ADCY3: variants seen among roughly 807,000 people sequenced by gnomAD.
ADCY3 encodes the protein adenylate cyclase type 3.
In ADCY3, 70 loss-of-function variants were observed where a neutral mutation model predicts 119.4. The observed-to-expected ratio is 0.59, with a 90% CI of 0.48 to 0.72. The LOEUF is 0.72. Ranked by LOEUF, ADCY3 falls within the 30% of genes least tolerant of loss-of-function variation. ADCY3 has a pLI of 0.00. For synonymous variants in ADCY3, 672 were observed against 621.4 expected (o/e 1.08, Z -1.21); for missense variants, 1,238 against 1,541.6 (o/e 0.80, Z 3.30).
intron 3 of ADCY3, among the ~76,000 whole-genome samples, chr2:24,849,499 A>G (rs928845811): frequency 6.6e-6 from 1 of 152,130 alleles, no homozygotes. Context: ...TCCCTTATAT[A>G]TTTCCATAAC....
intron 3 of ADCY3, among the ~76,000 whole-genome samples, chr2:24,866,114 C>G (rs549551299): frequency 2.0e-5 from 3 of 152,290 alleles, no homozygotes; most frequent in African/African-American, 7.2e-5. Context: ...GACTAAGAGG[C>G]TAAGCTTTCA....
intron 8 of ADCY3, among the ~76,000 whole-genome samples, chr2:24,837,895 A>G (rs559126607): frequency 7.2e-5 from 11 of 152,254 alleles, no homozygotes; most frequent in African/African-American, 4.8e-5. Flanking sequence ...TTCAACCCAC[A>G]GTATTTTTTG....
chr2:24,880,316 T>C (rs890270525), intron 2 of ADCY3, among the ~76,000 whole-genome samples: 5 of 152,204 alleles, frequency 3.3e-5, no homozygotes, highest in Non-Finnish European at 7.3e-5. Flanking sequence ...TACACAGATC[T>C]GTCGTGATGG....
chr2:24,825,718 A>C, intron 16 of ADCY3: 1 of 301,142 alleles, frequency 3.3e-6, no homozygotes, highest in Non-Finnish European at 6.2e-6. Context: ...CGCCACGGGG[A>C]GTGCGGGGGC....
At position 24,918,806 on chromosome 2, in the gene ADCY3, G is replaced by T; in HGVS notation, c.182C>A (p.Ser61Tyr). 1.2e-6 allele frequency: 2 copies of T among 1,613,846 alleles called. No individual in the cohort carries two copies. Among genetic ancestry groups the T allele is most frequent in the Non-Finnish European group, 1.7e-6 (2 of 1,180,034 alleles). The change falls in exon 2 of 22, where the codon TCC (serine) becomes TAC (tyrosine). Residue 61 changes from serine to tyrosine, a missense_variant. This residue lies in a region of ADCY3 where 227 missense variants were observed against 249.3 expected (regional missense o/e 0.91). Coordinates refer to ENST00000679454, the MANE Select transcript of ADCY3 (RefSeq NM_004036.5). The surrounding 1 kb of genome is among the most constrained non-coding windows in gnomAD (Gnocchi z 5.4). ...GTAGGTCTGGTAGAGGTTCTCCAAGGACTCCGGCACGAAAGTCAGCCGCAT... is the reference window on the plus strand; with the variant it reads ...GTAGGTCTGGTAGAGGTTCTCCAAGTACTCCGGCACGAAAGTCAGCCGCAT... ...RFMRLTFVPE[S>Y]LENLYQTYFK...
chr2:24,834,673 C>G lies in ADCY3; in HGVS notation c.1806-27G>C. On this transcript the variant is annotated intron_variant, in intron 10 of 21. Coordinates refer to ENST00000679454, the MANE Select transcript of ADCY3 (RefSeq NM_004036.5). The surrounding 1 kb of genome is among the most constrained non-coding windows in gnomAD (Gnocchi z 4.2). ...TGCAGTGGGAACAAGCCCCATGAAT[C>G]CCAAATGCCACATCTGCCTTGGCCT... 1 of 1,608,572 alleles carries G rather than the reference C, an allele frequency of 6.2e-7. No individual in the cohort carries two copies. Among genetic ancestry groups the G allele is most frequent in the East Asian group, 2.2e-5 (1 of 44,700 alleles).
At chr2:24,895,962 T>C (rs1311128841) in intron 2 of ADCY3, among the ~76,000 whole-genome samples, 1 of 152,246 alleles carries the variant, frequency 6.6e-6, no homozygotes, top group African/African-American at 2.4e-5. Context: ...TTTTCATTTT[T>C]GATTTTGTAG....
chr2:24,827,889 C>G lies in ADCY3; in HGVS notation c.2432+13G>C, dbSNP rs565303281. On this transcript the variant is annotated intron_variant, in intron 14 of 21. Coordinates refer to ENST00000679454, the MANE Select transcript of ADCY3 (RefSeq NM_004036.5). ...AGGAGACAATACAGATCCCCAGTCACGCTTCATCTTACTCGTGCTCCCGAA... is the reference window on the plus strand; with the variant it reads ...AGGAGACAATACAGATCCCCAGTCAGGCTTCATCTTACTCGTGCTCCCGAA... The G allele has an allele frequency of 1.2e-6, 2 of 1,613,596 alleles. No individual in the cohort carries two copies. The highest frequency in any genetic ancestry group is 1.7e-5 in the Admixed American group (1 of 60,004).
In ADCY3 at chr2:24,842,364, G is replaced by T; in HGVS notation, c.846C>A (p.Ile282=). The change falls in exon 4 of 22, where the codon ATC becomes ATA. Residue 282 remains isoleucine (I), a synonymous_variant. Transcript: ENST00000679454. The surrounding 1 kb of genome is among the most constrained non-coding windows in gnomAD (Gnocchi z 4.9). ...SQQQENLMLS[I]LPKHVADEML... The stretch of plus-strand genomic sequence containing the variant: ...TCTCGTCAGCCACGTGCTTGGGCAG[G>T]ATGGAAAGCATGAGGTTCTCCTGTG... 6.2e-7 allele frequency: 1 copy of T among 1,614,186 alleles called. No individual in the cohort carries two copies. The highest frequency in any genetic ancestry group is 8.5e-7 in the Non-Finnish European group (1 of 1,180,050).
At chr2:24,912,929 A>G (rs1012969047) in intron 2 of ADCY3, among the ~76,000 whole-genome samples, 1 of 152,196 alleles carries the variant, frequency 6.6e-6, no homozygotes, top group African/African-American at 2.4e-5. Context: ...AGTTGTTTAC[A>G]TGTTCAATGA....
At chr2:24,853,001 G>A (rs1672523055) in intron 3 of ADCY3, among the ~76,000 whole-genome samples, 2 of 135,148 alleles carry the variant, frequency 1.5e-5, no homozygotes, top group South Asian at 2.5e-4. Flanking sequence ...AGGAACAGCT[G>A]GAGGGTGTGT....
At chr2:24,874,947 C>A (rs1231338222) in intron 2 of ADCY3, among the ~76,000 whole-genome samples, 1 of 152,232 alleles carries the variant, frequency 6.6e-6, no homozygotes, top group Non-Finnish European at 1.5e-5. Flanking sequence ...AGCCTGGGGT[C>A]ATAATCTTTG....
chr2:24,885,078 CAG>C (rs1676877328), intron 2 of ADCY3, among the ~76,000 whole-genome samples: 1 of 152,232 alleles, frequency 6.6e-6, no homozygotes, highest in Non-Finnish European at 1.5e-5. Flanking sequence ...AGTCACATGA[CAG>C]AGACTTCCAA....
At chr2:24,845,561 G>T (rs932487479) in intron 3 of ADCY3, among the ~76,000 whole-genome samples, 2 of 152,246 alleles carry the variant, frequency 1.3e-5, no homozygotes, top group Non-Finnish European at 2.9e-5. Context: ...CATTCAAGAC[G>T]TGACTTGGGT....
intron 9 of ADCY3, 120 bp from the exon 10 acceptor site, chr2:24,835,056 C>A (rs144366644): frequency 7.7e-7 from 1 of 1,298,030 alleles, no homozygotes; most frequent in Non-Finnish European, 1.0e-6. Flanking sequence ...GGACCAATCC[C>A]TCCAGCTCTA....
intron 2 of ADCY3, among the ~76,000 whole-genome samples, chr2:24,886,890 C>T (rs939121325): frequency 2.6e-5 from 4 of 152,246 alleles, no homozygotes; most frequent in Non-Finnish European, 4.4e-5. Context: ...CTCTGCTAGG[C>T]AGATGCTGGG....
At chr2:24,858,744 A>C (rs186434896) in intron 3 of ADCY3, among the ~76,000 whole-genome samples, 4 of 152,336 alleles carry the variant, frequency 2.6e-5, no homozygotes, top group Non-Finnish European at 5.9e-5. Flanking sequence ...GCAAAGGCTT[A>C]AGACCTGCCA....
chr2:24,839,745 G>T, intron 7 of ADCY3, 128 bp downstream of exon 7: 2 of 1,338,812 alleles, frequency 1.5e-6, no homozygotes, highest in Non-Finnish European at 2.1e-6. Context: ...CAGGAGGAAT[G>T]CTGTTCCGGG....
intron 3 of ADCY3, among the ~76,000 whole-genome samples, chr2:24,853,012 G>GTT (rs1672545824): frequency 2.9e-4 from 2 of 6,834 alleles, no homozygotes; most frequent in Non-Finnish European, 5.9e-4. Context: ...GAGGGTGTGT[G>GTT]TGTGTGTGTG....
Sources: gnomAD v4.1 joint callset for allele counts (sites outside exome capture counted in the v4.1 genomes callset) on GRCh38, gnomAD v4.1.1 for gene constraint, gnomAD v4.1.1 regional missense constraint, Gnocchi (gnomAD v3.1) non-coding constraint, MANE v1.5 for transcripts, NCBI Gene and HGNC (gene_info 2026-07-23, HGNC 2026-07-21) for gene names.